MYLK: variants seen among roughly 807,000 people sequenced by gnomAD.
MYLK encodes myosin light chain kinase, smooth muscle.
In MYLK, 106 loss-of-function variants were observed where a neutral mutation model predicts 203.4. The ratio of observed to expected loss-of-function variants is 0.52; its 90% CI spans 0.45 to 0.61. The LOEUF (loss-of-function observed/expected upper bound fraction) is 0.61. Ranked by LOEUF, MYLK falls within the 20% of genes least tolerant of loss-of-function variation. The pLI, the probability that MYLK is intolerant of heterozygous loss-of-function variation, is 0.00. For synonymous variants in MYLK, 867 were observed against 959.5 expected, an observed-to-expected ratio of 0.90 and a Z score of 1.78; for missense variants, 2,072 against 2,442.3, an observed-to-expected ratio of 0.85 and a Z score of 3.20.
At chr3:123,737,265 T>C in intron 8 of MYLK, 113 bp downstream of exon 8, 2 of 1,313,574 alleles carry the variant, frequency 1.5e-6, no homozygotes, top group East Asian at 2.3e-5. Context: ...TGCCTGGGTG[T>C]GTGAGTGGGC....
rs2059123017 is a variant in MYLK, at chr3:123,649,149, G to A, written c.4321+13C>T. ...CCCCAAGAGCCTGACCCGAAGACAGGGGCTGCACTCACCATCATCTGACAC... is the reference window on the plus strand; with the variant it reads ...CCCCAAGAGCCTGACCCGAAGACAGAGGCTGCACTCACCATCATCTGACAC... On this transcript the variant is annotated intron_variant, in intron 25 of 33. Coordinates refer to ENST00000360304, the MANE Select transcript of MYLK (RefSeq NM_053025.4). 6.2e-7 allele frequency: 1 copy of A among 1,613,730 alleles called. No individual in the cohort carries two copies. Among genetic ancestry groups the A allele is most frequent in the Non-Finnish European group, 8.5e-7 (1 of 1,180,030 alleles).
chr3:123,760,003 T>C (rs1433462920), intron 4 of MYLK, among the ~76,000 whole-genome samples: 1 of 152,204 alleles, frequency 6.6e-6, no homozygotes, highest in Non-Finnish European at 1.5e-5. Context: ...CCCACCTACT[T>C]ACTTCAGGAA....
intron 22 of MYLK, among the ~76,000 whole-genome samples, chr3:123,664,728 A>T (rs936561971): frequency 3.9e-5 from 6 of 152,368 alleles, no homozygotes; most frequent in African/African-American, 1.4e-4. Flanking sequence ...TCAACTGATG[A>T]ACAAATAAAC....
At chr3:123,636,485 G>A (rs1424727973) in intron 29 of MYLK, among the ~76,000 whole-genome samples, 1 of 152,270 alleles carries the variant, frequency 6.6e-6, no homozygotes, top group East Asian at 1.9e-4. Flanking sequence ...GCTGGAGGGG[G>A]ACCCTGGGAC....
chr3:123,785,204 G>A (rs911362962), intron 4 of MYLK, among the ~76,000 whole-genome samples: 1 of 152,156 alleles, frequency 6.6e-6, no homozygotes. Context: ...CGTTTTTAGC[G>A]CAGCTATGAA....
Position 123,784,275 on chromosome 3 carries a change from T to C in MYLK, c.165+9402A>G, listed in dbSNP as rs1348576116. On this transcript the variant is annotated intron_variant, in intron 4 of 33. Coordinates refer to ENST00000360304, the MANE Select transcript of MYLK (RefSeq NM_053025.4). ...AAGCCACTTATACACGAATCATATA[T>C]GTACATTTTCCATTTGCAAATCTTT... 2.0e-5 allele frequency among the ~76,000 whole-genome samples: 3 copies of C among 152,224 alleles called. No individual in the cohort carries two copies. The East Asian group carries it at 5.8e-4, about 29-fold the overall frequency.
intron 5 of MYLK, among the ~76,000 whole-genome samples, chr3:123,744,439 T>C (rs1052779854): frequency 1.3e-5 from 2 of 152,134 alleles, no homozygotes; most frequent in Admixed American, 1.3e-4. Context: ...AATAAAAAGA[T>C]GTATTATATA....
chr3:123,828,312 C>T (rs2066205112), intron 3 of MYLK, among the ~76,000 whole-genome samples: 1 of 152,000 alleles, frequency 6.6e-6, no homozygotes, highest in Admixed American at 6.6e-5. Flanking sequence ...ATAGGTACAG[C>T]CAATTGATTT....
chr3:123,677,075 TA>T (rs111509907), intron 20 of MYLK, among the ~76,000 whole-genome samples: 14 of 151,944 alleles, frequency 9.2e-5, no homozygotes, highest in African/African-American at 2.4e-4. Flanking sequence ...GGGACTCCCC[TA>T]AACCTGTATG....
intron 4 of MYLK, among the ~76,000 whole-genome samples, chr3:123,756,223 C>T (rs1026456978): frequency 2.0e-5 from 3 of 152,052 alleles, no homozygotes; most frequent in Non-Finnish European, 2.9e-5. Context: ...TATTCATAAG[C>T]GTCTATCTCC....
chr3:123,877,622 C>A (rs555305103), intron 1 of MYLK, among the ~76,000 whole-genome samples: 4 of 152,280 alleles, frequency 2.6e-5, no homozygotes, highest in East Asian at 1.9e-4. Context: ...ATCATGTATA[C>A]CATGAGTGAC....
chr3:123,871,127 G>C (rs1183875319), intron 2 of MYLK, among the ~76,000 whole-genome samples: 2 of 152,146 alleles, frequency 1.3e-5, no homozygotes, highest in African/African-American at 2.4e-5. Context: ...TTTTACTAAA[G>C]CTCTCCTAAT....
At chr3:123,750,202 G>A (rs1265031291) in intron 5 of MYLK, among the ~76,000 whole-genome samples, 6 of 152,188 alleles carry the variant, frequency 3.9e-5, no homozygotes, top group African/African-American at 7.2e-5. Context: ...CTATCTCCTA[G>A]AGTTAGAAGA....
chr3:123,844,685 C>T (rs182167632), intron 2 of MYLK, among the ~76,000 whole-genome samples: 116 of 152,208 alleles, frequency 7.6e-4, no homozygotes, highest in African/African-American at 2.6e-3. Flanking sequence ...CCCACTCTTC[C>T]CTCAGAAGCA....
rs1053954475 is a variant in MYLK, at chr3:123,651,693, G to A, written c.4289-2499C>T. Reference sequence around the variant, plus strand: ...CCCGGCAGCAGGAGGCTTTCCCTGCGTGCCTTGAAGGGGGCATCCAGTCCT... The same window carrying A: ...CCCGGCAGCAGGAGGCTTTCCCTGCATGCCTTGAAGGGGGCATCCAGTCCT... On this transcript the variant is annotated intron_variant, in intron 24 of 33. Transcript: ENST00000360304. Among the ~76,000 whole-genome samples, 9 of 152,206 alleles carry A rather than the reference G, an allele frequency of 5.9e-5. No homozygotes were observed. In the East Asian group the frequency reaches 9.6e-4, roughly 16 times the overall value.
chr3:123,692,680 G>C, intron 19 of MYLK, 55 bp downstream of exon 19: 3 of 1,348,462 alleles, frequency 2.2e-6, no homozygotes, highest in Non-Finnish European at 3.2e-6. Flanking sequence ...GAAGGGAGGG[G>C]CTGAGAAATG....
intron 2 of MYLK, among the ~76,000 whole-genome samples, chr3:123,838,746 T>C (rs1408083865): frequency 1.3e-5 from 2 of 152,302 alleles, no homozygotes; most frequent in East Asian, 3.9e-4. Flanking sequence ...GAGCACACAC[T>C]ACATTTTTAA....
At chr3:123,814,941 T>G (rs2065695243) in intron 3 of MYLK, among the ~76,000 whole-genome samples, 1 of 152,050 alleles carries the variant, frequency 6.6e-6, no homozygotes, top group Non-Finnish European at 1.5e-5. Context: ...TACAGGCACC[T>G]GACACCATGC....
chr3:123,698,191 TC>T (rs1409844169), intron 18 of MYLK, among the ~76,000 whole-genome samples: 1 of 151,992 alleles, frequency 6.6e-6, no homozygotes, highest in Non-Finnish European at 1.5e-5. Flanking sequence ...GCCACAGACC[TC>T]CCAACGCCAA....
Sources: allele counts gnomAD v4.1 joint callset (sites outside exome capture counted in the v4.1 genomes callset), GRCh38; gene constraint gnomAD v4.1.1; transcripts MANE v1.5; gene names NCBI Gene and HGNC (gene_info 2026-07-23, HGNC 2026-07-21).